The following RFX7 variants were observed in gnomAD, a reference collection of about 807,000 sequenced individuals.
The protein encoded by RFX7 is regulatory factor X7.
RFX7 carries 26 observed loss-of-function variants against 111.8 expected under a neutral mutation model. That is an observed-to-expected ratio of 0.23 (90% CI 0.17 to 0.32). The LOEUF is 0.32. Ranked by LOEUF, RFX7 falls within the 10% of genes least tolerant of loss-of-function variation. The pLI, the probability that RFX7 is intolerant of heterozygous loss-of-function variation, is 1.00. For synonymous variants in RFX7, 624 were observed against 624.4 expected, an observed-to-expected ratio of 1.00 and a Z score of 0.01; for missense variants, 1,573 against 1,772.9, an observed-to-expected ratio of 0.89 and a Z score of 2.02.
chr15:56,166,871 G>A (rs1160770828), intron 3 of RFX7, among the ~76,000 whole-genome samples: 1 of 152,116 alleles, frequency 6.6e-6, no homozygotes, highest in Non-Finnish European at 1.5e-5. Flanking sequence ...CACCCAGCCT[G>A]AGTAGCTGGG....
chr15:56,142,551 G>A (rs769298871), intron 5 of RFX7, among the ~76,000 whole-genome samples: 6 of 152,036 alleles, frequency 3.9e-5, no homozygotes, highest in Non-Finnish European at 7.4e-5. Context: ...CCTCCCTCCT[G>A]TCATCCTGAA....
chr15:56,180,750 C>CAAA (rs869160446), intron 2 of RFX7, among the ~76,000 whole-genome samples: 7 of 65,590 alleles, frequency 1.1e-4, no homozygotes, highest in African/African-American at 2.4e-4. Flanking sequence ...TACTAAAATA[C>CAAA]AAAAAAAAAA....
At chr15:56,096,694 T>G in intron 9 of RFX7, 74 bp from the exon 10 acceptor site, 2 of 1,381,682 alleles carry the variant, frequency 1.4e-6, no homozygotes, top group Middle Eastern at 1.9e-4. Context: ...CTGTATATAC[T>G]TTTAAGTCAT....
chr15:56,140,043 T>G (rs1224486050), intron 5 of RFX7, among the ~76,000 whole-genome samples: 6 of 151,996 alleles, frequency 3.9e-5, no homozygotes, highest in African/African-American at 1.4e-4. Flanking sequence ...GACATTTAAG[T>G]CTGCAGAGGT....
rs1300001258 is a variant in RFX7 at position 56,114,416 on chromosome 15, A to AG, written c.402-10747_402-10746insC. Among the ~76,000 whole-genome samples, 82 of 151,016 alleles carry AG rather than the reference A, an allele frequency of 5.4e-4. 1 individual carries two copies. The East Asian group carries it at 0.014, about 25-fold the overall frequency. The stretch of plus-strand genomic sequence containing the variant: ...ACAGAGTGAGATTCTGTCTCCAAAA[A>AG]AAAAAAAAAAACAAACAACAACAAC... On this transcript the variant is annotated intron_variant, in intron 5 of 9. Transcript: ENST00000559447.
intron 5 of RFX7, among the ~76,000 whole-genome samples, chr15:56,110,090 T>TG (rs1262899339): frequency 1.8e-3 from 193 of 107,346 alleles, no homozygotes; most frequent in African/African-American, 7.1e-3. Flanking sequence ...GGGAGGGAGG[T>TG]GGGGGGGTCA....
At chr15:56,150,634 T>G (rs557062950) in intron 3 of RFX7, among the ~76,000 whole-genome samples, 4 of 152,190 alleles carry the variant, frequency 2.6e-5, no homozygotes, top group South Asian at 2.1e-4. Context: ...CGGCTAACAA[T>G]TCCAAAAACC....
chr15:56,226,495 C>A (rs1180399353), intron 2 of RFX7, among the ~76,000 whole-genome samples: 1 of 151,964 alleles, frequency 6.6e-6, no homozygotes, highest in African/African-American at 2.4e-5. Context: ...GAAATTAGTT[C>A]AGGGAAACTG....
chr15:56,204,418 T>G (rs1308815253), intron 2 of RFX7, among the ~76,000 whole-genome samples: 2 of 152,140 alleles, frequency 1.3e-5, no homozygotes, highest in African/African-American at 4.8e-5. Flanking sequence ...AAAAAAACAC[T>G]TTATTTTCAT....
At chr15:56,157,291 G>A (rs1281590581) in intron 3 of RFX7, among the ~76,000 whole-genome samples, 1 of 152,062 alleles carries the variant, frequency 6.6e-6, no homozygotes, top group Non-Finnish European at 1.5e-5. Flanking sequence ...CCCTATTTCA[G>A]TGTCATAAAG....
intron 2 of RFX7, among the ~76,000 whole-genome samples, chr15:56,214,512 G>A (rs1008571567): frequency 2.0e-5 from 3 of 151,116 alleles, no homozygotes; most frequent in East Asian, 1.9e-4. Flanking sequence ...TCAGGAGATC[G>A]AGACCATCCT....
At chr15:56,140,490 G>A (rs1054285565) in intron 5 of RFX7, among the ~76,000 whole-genome samples, 4 of 152,196 alleles carry the variant, frequency 2.6e-5, no homozygotes, top group South Asian at 2.1e-4. Context: ...CACGGTGCAC[G>A]CACCCACTGA....
intron 2 of RFX7, among the ~76,000 whole-genome samples, chr15:56,236,555 T>C (rs1567056693): frequency 6.6e-6 from 1 of 152,200 alleles, no homozygotes; most frequent in African/African-American, 2.4e-5. Context: ...CATCTTACTA[T>C]CATGTTCCTT....
At chr15:56,175,528 T>A (rs529696962) in intron 3 of RFX7, among the ~76,000 whole-genome samples, 2 of 152,248 alleles carry the variant, frequency 1.3e-5, no homozygotes, top group South Asian at 4.2e-4. Flanking sequence ...AGTGTAGTGA[T>A]GTCATAAAGG....
intron 2 of RFX7, among the ~76,000 whole-genome samples, chr15:56,219,209 G>A (rs2043398600): frequency 6.6e-6 from 1 of 152,010 alleles, no homozygotes; most frequent in Admixed American, 6.5e-5. Flanking sequence ...TTTTTCTGAT[G>A]ACTGGTACTT....
At chr15:56,193,952 T>C (rs1433541175) in intron 2 of RFX7, among the ~76,000 whole-genome samples, 1 of 152,152 alleles carries the variant, frequency 6.6e-6, no homozygotes, top group Non-Finnish European at 1.5e-5. Flanking sequence ...AAAAATACCA[T>C]GTAACATTTC....
chr15:56,109,155 C>G (rs2041872797), intron 5 of RFX7, among the ~76,000 whole-genome samples: 1 of 152,232 alleles, frequency 6.6e-6, no homozygotes, highest in Non-Finnish European at 1.5e-5. Flanking sequence ...GCCTGATTCT[C>G]CTGCCTCAGC....
At chr15:56,213,467 A>G (rs1355360531) in intron 2 of RFX7, among the ~76,000 whole-genome samples, 7 of 152,352 alleles carry the variant, frequency 4.6e-5, no homozygotes, top group Non-Finnish European at 8.8e-5. Flanking sequence ...TCTACATAAC[A>G]TTCTTGAAGT....
rs537325189 is a variant in RFX7, at chr15:56,139,901, G to T, written c.401+2877C>A. On this transcript the variant is annotated intron_variant, in intron 5 of 9. Coordinates refer to ENST00000559447, the MANE Select transcript of RFX7 (RefSeq NM_022841.7). ...TGTGAGGTGTCAGTGTGCCCCTGCTGGGGGGTGCCTCCCAGTTAGGCTGCT... is the reference window on the plus strand; with the variant it reads ...TGTGAGGTGTCAGTGTGCCCCTGCTTGGGGGTGCCTCCCAGTTAGGCTGCT... Among the ~76,000 whole-genome samples, 66 of 152,200 alleles carry T rather than the reference G, an allele frequency of 4.3e-4. 1 individual carries two copies. The East Asian group carries it at 7.9e-3, about 18-fold the overall frequency.
Sources: allele counts gnomAD v4.1 joint callset (sites outside exome capture counted in the v4.1 genomes callset), GRCh38; gene constraint gnomAD v4.1.1; transcripts MANE v1.5; gene names NCBI Gene and HGNC (gene_info 2026-07-23, HGNC 2026-07-21).